WASF2: variants seen among roughly 807,000 people sequenced by gnomAD.
WASF2 encodes the protein actin-binding protein WASF2.
WASF2 carries 14 observed loss-of-function variants against 45.0 expected under a neutral mutation model. The observed-to-expected ratio is 0.31, with a 90% confidence interval of 0.21 to 0.49. The LOEUF is 0.49. Ranked by LOEUF, WASF2 falls within the 20% of genes least tolerant of loss-of-function variation. The pLI, the probability that WASF2 is intolerant of heterozygous loss-of-function variation, is 0.99. For synonymous variants in WASF2, 200 were observed against 236.3 expected, an observed-to-expected ratio of 0.85 and a Z score of 1.41; for missense variants, 439 against 636.1, an observed-to-expected ratio of 0.69 and a Z score of 3.33.
chr1:27,419,144 C>CA (rs2016867569), intron 2 of WASF2, 56 bp from the exon 3 acceptor site: 1 of 1,593,556 alleles, frequency 6.3e-7, no homozygotes, highest in East Asian at 2.2e-5. Context: ...TAAATGGTCA[C>CA]AAAAACTGGC....
intron 2 of WASF2, among the ~76,000 whole-genome samples, chr1:27,420,657 G>A (rs1288588218): frequency 6.6e-6 from 1 of 151,776 alleles, no homozygotes; most frequent in African/African-American, 2.4e-5. Flanking sequence ...GAGTAGCTGG[G>A]ATTACAGGTG....
chr1:27,463,674 G>T (rs537942476), intron 1 of WASF2, among the ~76,000 whole-genome samples: 9 of 150,954 alleles, frequency 6.0e-5, no homozygotes, highest in African/African-American at 1.9e-4. Context: ...CACCTGAGGT[G>T]TGAGGTTTAC....
At position 27,407,983 on chromosome 1, in the gene WASF2, C is replaced by G. The variant is rs1231552588; in HGVS notation, c.*206G>C. ...ATCCCAGCTACTGAACCTCAGGAGC[C>G]CCACAGGGCCTGAAAATGGGGAGAG... On this transcript the variant is annotated 3_prime_UTR_variant, in exon 9 of 9. Coordinates refer to ENST00000618852, the MANE Select transcript of WASF2 (RefSeq NM_006990.5). 1.9e-6 allele frequency: 1 copy of G among 519,506 alleles called. No individual in the cohort carries two copies. The highest frequency in any genetic ancestry group is 2.0e-5 in the African/African-American group (1 of 51,274). 32.2% of individuals were successfully genotyped at this position (519,506 alleles called of 1,614,324 possible). A position where few individuals can be genotyped will look rare whatever the true frequency, so the allele number is the denominator to read the frequency against.
In WASF2 at chr1:27,487,930, T is replaced by G. The variant is rs187960711; in HGVS notation, c.-44+2056A>C. ...TCTCAGAGGGTTTAAGATTTAAAAT[T>G]ATTTCATTCTAGAAGAAAACTGAAC... On this transcript the variant is annotated intron_variant, in intron 1 of 8. Coordinates refer to ENST00000618852, the MANE Select transcript of WASF2 (RefSeq NM_006990.5). Among the ~76,000 whole-genome samples, 25 of 151,388 alleles carry G rather than the reference T, an allele frequency of 1.7e-4. No homozygotes were observed. The East Asian group carries it at 4.8e-3, about 29-fold the overall frequency.
At position 27,415,969 on chromosome 1, in the gene WASF2, G is replaced by GCC; in HGVS notation, c.537+14_537+15dup. The GCC allele has an allele frequency of 1.3e-6, 2 of 1,599,238 alleles. No individual in the cohort carries two copies. The highest frequency in any genetic ancestry group is 2.2e-5 in the South Asian group (2 of 90,712). On this transcript the variant is annotated intron_variant, in intron 5 of 8. Coordinates refer to ENST00000618852, the MANE Select transcript of WASF2 (RefSeq NM_006990.5). ...GTGCCTACTGATGTGGAGAACAGAGGCCCCTTTCCCCTCACCCTATGCTTT... is the reference window on the plus strand; with the variant it reads ...GTGCCTACTGATGTGGAGAACAGAGGCCCCCCTTTCCCCTCACCCTATGCTTT...
At chr1:27,453,992 CGT>C (rs1199029725) in intron 1 of WASF2, among the ~76,000 whole-genome samples, 2 of 151,706 alleles carry the variant, frequency 1.3e-5, no homozygotes, top group East Asian at 1.9e-4. Flanking sequence ...AAACGTGTGA[CGT>C]GTGTTTACCA....
chr1:27,412,409 T>G (rs975720704), intron 7 of WASF2, among the ~76,000 whole-genome samples, 163 bp downstream of exon 7: 1 of 152,178 alleles, frequency 6.6e-6, no homozygotes, highest in African/African-American at 2.4e-5. Flanking sequence ...AGTCTTGCTA[T>G]GTTACCCAGA....
At chr1:27,441,433 G>C (rs2017227126) in intron 1 of WASF2, among the ~76,000 whole-genome samples, 1 of 149,890 alleles carries the variant, frequency 6.7e-6, no homozygotes, top group Non-Finnish European at 1.5e-5. Flanking sequence ...TTCGAGACCA[G>C]CTTGGCCAAC....
intron 1 of WASF2, among the ~76,000 whole-genome samples, chr1:27,449,649 C>T (rs1011835608): frequency 1.3e-5 from 2 of 151,822 alleles, no homozygotes; most frequent in Non-Finnish European, 2.9e-5. Flanking sequence ...ATAGTTGCTT[C>T]TTGTGCTTTG....
At chr1:27,428,722 AC>A in intron 2 of WASF2, 38 bp downstream of exon 2, 2 of 1,613,792 alleles carry the variant, frequency 1.2e-6, no homozygotes, top group Non-Finnish European at 8.5e-7. Context: ...AGCACCAACG[AC>A]CCCTGAGGGC....
chr1:27,448,765 C>A (rs1460655787), intron 1 of WASF2, among the ~76,000 whole-genome samples: 1 of 149,350 alleles, frequency 6.7e-6, no homozygotes, highest in Non-Finnish European at 1.5e-5. Context: ...TCGCTTGAAC[C>A]TGTGAGGCGG....
At chr1:27,430,985 C>G (rs2017054441) in intron 1 of WASF2, among the ~76,000 whole-genome samples, 1 of 152,018 alleles carries the variant, frequency 6.6e-6, no homozygotes, top group Non-Finnish European at 1.5e-5. Flanking sequence ...GGAGTAGAAC[C>G]CTTCGGAACA....
chr1:27,437,565 C>T (rs1281115214), intron 1 of WASF2, among the ~76,000 whole-genome samples: 1 of 152,202 alleles, frequency 6.6e-6, no homozygotes, highest in Non-Finnish European at 1.5e-5. Context: ...TTAAATTACA[C>T]AGGATCTACA....
At chr1:27,423,140 CAAA>C (rs35025475) in intron 2 of WASF2, among the ~76,000 whole-genome samples, 7 of 103,252 alleles carry the variant, frequency 6.8e-5, no homozygotes, top group Admixed American at 9.6e-5. Context: ...GACTCCATCT[CAAA>C]AAAAAAAAAA....
chr1:27,429,000 T>A, intron 1 of WASF2, 67 bp from the exon 2 acceptor site: 39 of 927,462 alleles, frequency 4.2e-5, no homozygotes, highest in Non-Finnish European at 5.7e-5. Context: ...GCTGTGTGAA[T>A]CTTTTTTTTT....
chr1:27,457,117 A>G (rs975830757), intron 1 of WASF2: 1 of 151,566 alleles, frequency 6.6e-6, no homozygotes, highest in Non-Finnish European at 1.5e-5. Context: ...AACTCAAGTG[A>G]TCCACCTGCC....
intron 2 of WASF2, among the ~76,000 whole-genome samples, chr1:27,420,440 T>C (rs924146014): frequency 6.6e-6 from 1 of 151,990 alleles, no homozygotes; most frequent in Non-Finnish European, 1.5e-5. Context: ...TACCTCTATA[T>C]TGTCATTCCA....
At chr1:27,452,124 C>T (rs919535633) in intron 1 of WASF2, among the ~76,000 whole-genome samples, 1 of 152,116 alleles carries the variant, frequency 6.6e-6, no homozygotes, top group African/African-American at 2.4e-5. Flanking sequence ...TGTTTATTTG[C>T]AAAAGAAGAA....
intron 1 of WASF2, among the ~76,000 whole-genome samples, chr1:27,461,136 A>C (rs1289468566): frequency 3.3e-5 from 5 of 151,860 alleles, no homozygotes; most frequent in African/African-American, 1.2e-4. Flanking sequence ...ACAGAGCAAG[A>C]CTCCGTCTCA....
Sources: gnomAD v4.1 joint callset for allele counts (sites outside exome capture counted in the v4.1 genomes callset) on GRCh38, gnomAD v4.1.1 for gene constraint, MANE v1.5 for transcripts, NCBI Gene and HGNC (gene_info 2026-07-23, HGNC 2026-07-21) for gene names.